DPYD: variants seen among roughly 807,000 people sequenced by gnomAD.
DPYD encodes dihydropyrimidine dehydrogenase [NADP(+)].
In DPYD, 109 loss-of-function variants were observed where a neutral mutation model predicts 116.2. That is an observed-to-expected ratio of 0.94 (90% CI 0.80 to 1.10). The LOEUF (loss-of-function observed/expected upper bound fraction) is 1.10. Among genes scored for constraint, DPYD ranks in the 50% least tolerant of loss-of-function variants. DPYD has a pLI of 0.00. For missense variants in DPYD, 1,302 were observed against 1,254.5 expected, an observed-to-expected ratio of 1.04 and a Z score of -0.57; for synonymous variants, 440 against 432.0, an observed-to-expected ratio of 1.02 and a Z score of -0.23.
chr1:97,205,033 T>C (rs1472324290), intron 19 of DPYD, among the ~76,000 whole-genome samples: 1 of 152,032 alleles, frequency 6.6e-6, no homozygotes, highest in African/African-American at 2.4e-5. Context: ...ATTTACAGAA[T>C]AATTGGGCAG....
intron 18 of DPYD, among the ~76,000 whole-genome samples, chr1:97,291,567 C>T (rs1487960141): frequency 6.6e-6 from 1 of 152,118 alleles, no homozygotes; most frequent in Non-Finnish European, 1.5e-5. Context: ...AATCATCATT[C>T]TCAGTAAACT....
At chr1:97,178,976 C>A (rs2101794361) in intron 20 of DPYD, among the ~76,000 whole-genome samples, 1 of 152,252 alleles carries the variant, frequency 6.6e-6, no homozygotes, top group Admixed American at 6.5e-5. Flanking sequence ...GAATTGAGTG[C>A]TAGTGCTTAA....
At chr1:97,224,843 C>G (rs1328814033) in intron 19 of DPYD, among the ~76,000 whole-genome samples, 1 of 151,632 alleles carries the variant, frequency 6.6e-6, no homozygotes, top group Non-Finnish European at 1.5e-5. Flanking sequence ...ATGGCAGGAT[C>G]TTTTTTACAG....
At chr1:97,671,422 A>G (rs967843264) in intron 8 of DPYD, among the ~76,000 whole-genome samples, 7 of 152,208 alleles carry the variant, frequency 4.6e-5, no homozygotes, top group Admixed American at 1.3e-4. Flanking sequence ...TGACATAATT[A>G]TAAGGCATCA....
chr1:97,851,043 T>A (rs542804904), intron 2 of DPYD, among the ~76,000 whole-genome samples: 1 of 152,076 alleles, frequency 6.6e-6, no homozygotes, highest in South Asian at 2.1e-4. Context: ...AACTTTAGGA[T>A]CTTTCATAAG....
intron 20 of DPYD, among the ~76,000 whole-genome samples, chr1:97,144,031 A>G (rs1386050876): frequency 6.6e-6 from 1 of 152,158 alleles, no homozygotes; most frequent in Non-Finnish European, 1.5e-5. Flanking sequence ...CCTGCTATGC[A>G]TCACCATGAA....
At chr1:97,642,641 AAAC>A (rs1488254787) in intron 8 of DPYD, among the ~76,000 whole-genome samples, 1 of 150,090 alleles carries the variant, frequency 6.7e-6, no homozygotes, top group Non-Finnish European at 1.5e-5. Flanking sequence ...ACAAAAAACC[AAAC>A]ACCGCATGTT....
chr1:97,536,072 C>G (rs946712436), intron 12 of DPYD, among the ~76,000 whole-genome samples: 4 of 152,112 alleles, frequency 2.6e-5, no homozygotes, highest in African/African-American at 9.7e-5. Flanking sequence ...TTTGACTTTA[C>G]TACTTGCCAT....
intron 12 of DPYD, among the ~76,000 whole-genome samples, chr1:97,524,785 A>G (rs1390490260): frequency 2.6e-5 from 4 of 152,034 alleles, no homozygotes; most frequent in Non-Finnish European, 4.4e-5. Flanking sequence ...TACACCCCCA[A>G]ATTTCTATCC....
At chr1:97,772,056 CTTTA>C (rs1433101535) in intron 3 of DPYD, among the ~76,000 whole-genome samples, 1 of 152,006 alleles carries the variant, frequency 6.6e-6, no homozygotes, top group African/African-American at 2.4e-5. Flanking sequence ...AAAGATAAAT[CTTTA>C]TTTATCAAAG....
chr1:97,220,034 G>T (rs1160245675), intron 19 of DPYD, among the ~76,000 whole-genome samples: 1 of 152,010 alleles, frequency 6.6e-6, no homozygotes, highest in Non-Finnish European at 1.5e-5. Context: ...TTCTCTCGGG[G>T]TCTCTGAATG....
intron 3 of DPYD, among the ~76,000 whole-genome samples, chr1:97,788,065 C>T (rs1381447220): frequency 7.2e-5 from 11 of 152,232 alleles, no homozygotes; most frequent in African/African-American, 9.6e-5. Context: ...CCTGTATGTC[C>T]GTGATATTTA....
intron 21 of DPYD, among the ~76,000 whole-genome samples, chr1:97,084,201 A>G (rs78213473): frequency 0.14 from 21,706 of 151,896 alleles, 1,702 homozygotes; most frequent in Non-Finnish European, 0.17. Context: ...CTTATTTCTC[A>G]GTTTCAAACA....
chr1:97,691,541 C>A (rs1661007476), intron 7 of DPYD, 176 bp downstream of exon 7: 1 of 576,912 alleles, frequency 1.7e-6, no homozygotes, highest in Non-Finnish European at 3.1e-6. Context: ...AGGCTAGTGG[C>A]ATTCAGACAG....
intron 4 of DPYD, among the ~76,000 whole-genome samples, chr1:97,730,186 T>G (rs930438826): frequency 1.1e-4 from 17 of 152,248 alleles, no homozygotes; most frequent in African/African-American, 4.1e-4. Context: ...TATAGGCAAC[T>G]ACATATATAA....
At chr1:97,693,142 T>A (rs955177813) in intron 6 of DPYD, among the ~76,000 whole-genome samples, 2 of 151,414 alleles carry the variant, frequency 1.3e-5, no homozygotes, top group Non-Finnish European at 2.9e-5. Flanking sequence ...TACAAAAAAA[T>A]TAGCCAGGCA....
chr1:97,424,903 T>C (rs921042335), intron 14 of DPYD, among the ~76,000 whole-genome samples: 3 of 152,200 alleles, frequency 2.0e-5, no homozygotes, highest in African/African-American at 4.8e-5. Flanking sequence ...TTTTAGTATG[T>C]TCTGAATTAG....
At chr1:97,206,981 C>T (rs930803744) in intron 19 of DPYD, among the ~76,000 whole-genome samples, 4 of 151,796 alleles carry the variant, frequency 2.6e-5, no homozygotes, top group Admixed American at 2.6e-4. Context: ...AATAACTGCA[C>T]AATAGGTATC....
At chr1:97,595,540 A>G (rs1212975700) in intron 8 of DPYD, among the ~76,000 whole-genome samples, 15 of 151,890 alleles carry the variant, frequency 9.9e-5, no homozygotes, top group Admixed American at 9.8e-4. Context: ...AAAAGTTAAA[A>G]ATGGGTACAT....
Sources: allele counts gnomAD v4.1 joint callset (sites outside exome capture counted in the v4.1 genomes callset), GRCh38; gene constraint gnomAD v4.1.1; transcripts MANE v1.5; gene names NCBI Gene and HGNC (gene_info 2026-07-23, HGNC 2026-07-21).